The following PPP1R12A variants were observed in gnomAD, a reference collection of about 807,000 sequenced individuals.
The protein encoded by PPP1R12A is protein phosphatase 1 regulatory subunit 12A, also known as myosin binding subunit.
A neutral mutation model predicts 139.6 loss-of-function variants in PPP1R12A; 19 were observed. That is an observed-to-expected ratio of 0.14 (90% CI 0.09 to 0.20). The LOEUF is 0.20. PPP1R12A is among the 10% of genes least tolerant of loss of function. The pLI, the probability that PPP1R12A is intolerant of heterozygous loss-of-function variation, is 1.00. For missense variants in PPP1R12A, 925 were observed against 1,211.5 expected (o/e 0.76, Z 3.51); for synonymous variants, 427 against 420.6 (o/e 1.02, Z -0.19).
At chr12:79,828,744 T>C (rs1877079338) in intron 4 of PPP1R12A, among the ~76,000 whole-genome samples, 1 of 152,148 alleles carries the variant, frequency 6.6e-6, no homozygotes. Flanking sequence ...TAATTCTTGT[T>C]AATATGACTT....
chr12:79,919,300 T>C (rs533260557), intron 1 of PPP1R12A, among the ~76,000 whole-genome samples: 1 of 152,004 alleles, frequency 6.6e-6, no homozygotes, highest in African/African-American at 2.4e-5. Flanking sequence ...CTCACACCTG[T>C]AATCCCAGCA....
intron 2 of PPP1R12A, among the ~76,000 whole-genome samples, chr12:79,849,204 C>A (rs997110862): frequency 2.0e-5 from 3 of 151,954 alleles, no homozygotes. Flanking sequence ...GCCAACATAG[C>A]AAAACCCCAA....
In PPP1R12A at chr12:79,810,112, T is replaced by A. The variant is rs1030549639; in HGVS notation, c.1240-102A>T. The A allele has an allele frequency of 5.3e-6, 5 of 941,834 alleles. No individual in the cohort carries two copies. In the African/African-American group the frequency reaches 8.4e-5, roughly 16 times the overall value. The allele number at this position is 941,834 out of a possible 1,614,324, so 58.3% of individuals were successfully genotyped here. A position where few individuals can be genotyped will look rare whatever the true frequency, so the allele number is the denominator to read the frequency against. ...TTTACAGATAATATATTTAAAATTATGGTTTACAGTTTCAGGATAAAACAC... is the reference window on the plus strand; with the variant it reads ...TTTACAGATAATATATTTAAAATTAAGGTTTACAGTTTCAGGATAAAACAC... On this transcript the variant is annotated intron_variant, in intron 9 of 24. Coordinates refer to ENST00000450142, the MANE Select transcript of PPP1R12A (RefSeq NM_002480.3).
At chr12:79,801,329 G>C (rs1873126609) in intron 14 of PPP1R12A, among the ~76,000 whole-genome samples, 2 of 70,394 alleles carry the variant, frequency 2.8e-5, no homozygotes, top group Admixed American at 4.8e-4. Context: ...TGGGCAACTA[G>C]AGCAAAACTC....
At chr12:79,912,167 T>A (rs932563140) in intron 1 of PPP1R12A, among the ~76,000 whole-genome samples, 1 of 152,252 alleles carries the variant, frequency 6.6e-6, no homozygotes, top group Admixed American at 6.5e-5. Context: ...CTTTACCAAG[T>A]TACAACTACT....
intron 1 of PPP1R12A, among the ~76,000 whole-genome samples, chr12:79,930,530 TG>T (rs1365733202): frequency 6.6e-6 from 1 of 152,144 alleles, no homozygotes; most frequent in East Asian, 1.9e-4. Context: ...CCCAGCACTT[TG>T]GGAGGCCGAG....
At chr12:79,819,595 G>C (rs1276853205) in intron 8 of PPP1R12A, 1 of 152,166 alleles carries the variant, frequency 6.6e-6, no homozygotes, top group African/African-American at 2.4e-5. Context: ...CTTGACTACA[G>C]ACTGAGAGCT....
At chr12:79,783,313 A>AAAAG in intron 22 of PPP1R12A, among the ~76,000 whole-genome samples, 1 of 149,358 alleles carries the variant, frequency 6.7e-6, no homozygotes, top group Non-Finnish European at 1.5e-5. Flanking sequence ...AAAAAAAAAA[A>AAAAG]GGAAAATTAA....
At chr12:79,919,772 C>A (rs1674311055) in intron 1 of PPP1R12A, among the ~76,000 whole-genome samples, 1 of 152,102 alleles carries the variant, frequency 6.6e-6, no homozygotes, top group Admixed American at 6.6e-5. Context: ...GTGACTAATA[C>A]CAAGCCTAGG....
At chr12:79,903,876 CT>C (rs1292321052) in intron 1 of PPP1R12A, among the ~76,000 whole-genome samples, 4 of 152,122 alleles carry the variant, frequency 2.6e-5, no homozygotes, top group Non-Finnish European at 4.4e-5. Context: ...ATTTTTCCCC[CT>C]ACTCAGTAAC....
intron 1 of PPP1R12A, among the ~76,000 whole-genome samples, chr12:79,921,038 T>C (rs1225706327): frequency 6.6e-6 from 1 of 152,240 alleles, no homozygotes; most frequent in Non-Finnish European, 1.5e-5. Flanking sequence ...AATTTCATTT[T>C]ACTGTCGACT....
At chr12:79,902,805 A>C (rs2137481368) in intron 1 of PPP1R12A, among the ~76,000 whole-genome samples, 1 of 152,286 alleles carries the variant, frequency 6.6e-6, no homozygotes, top group African/African-American at 2.4e-5. Flanking sequence ...TTTGAGCACC[A>C]ACATGATGCC....
chr12:79,774,940 A>G lies in PPP1R12A; in HGVS notation c.*989T>C, dbSNP rs1869577450. 6.6e-6 allele frequency: 1 copy of G among 152,296 alleles called. No individual in the cohort carries two copies. The highest frequency in any genetic ancestry group is 2.4e-5 in the African/African-American group (1 of 41,468). 9.4% of individuals were successfully genotyped at this position (152,296 alleles called of 1,614,324 possible). ...AACTTTTGTAAAGATAGGGCTCCACATAATGTGTAACTTTTAAAGTCTTTA... is the reference window on the plus strand; with the variant it reads ...AACTTTTGTAAAGATAGGGCTCCACGTAATGTGTAACTTTTAAAGTCTTTA... On this transcript the variant is annotated 3_prime_UTR_variant, in exon 25 of 25. Coordinates refer to ENST00000450142, the MANE Select transcript of PPP1R12A (RefSeq NM_002480.3).
chr12:79,795,890 A>G (rs1283106420), intron 17 of PPP1R12A, 131 bp from the exon 18 acceptor site: 5 of 737,606 alleles, frequency 6.8e-6, no homozygotes, highest in Non-Finnish European at 1.0e-5. Context: ...AGCTGCTACT[A>G]CTTAGCTCCA....
chr12:79,929,698 G>A (rs957464827), intron 1 of PPP1R12A, among the ~76,000 whole-genome samples: 3 of 151,928 alleles, frequency 2.0e-5, no homozygotes, highest in African/African-American at 7.3e-5. Context: ...GAACCTGGGC[G>A]GCGGAGTTTG....
chr12:79,891,218 G>A (rs1884615555), intron 1 of PPP1R12A, among the ~76,000 whole-genome samples: 1 of 152,076 alleles, frequency 6.6e-6, no homozygotes, highest in Non-Finnish European at 1.5e-5. Context: ...TCTGGATCCT[G>A]GGGATGATGA....
At position 79,809,894 on chromosome 12, in the gene PPP1R12A, G is replaced by A; in HGVS notation, c.1356C>T (p.Ile452=). ...KTGSYGALAE[I]TASKEGQKEK... ...CTTTCTGACCCTCTTTAGATGCTGT[G>A]ATTTCAGCAAGTGCACCATAGCTGC... is the stretch of plus-strand genomic sequence containing the variant. The change falls in exon 10 of 25, where the codon ATC becomes ATT. Residue 452 remains isoleucine, a synonymous_variant. Coordinates refer to ENST00000450142, the MANE Select transcript of PPP1R12A (RefSeq NM_002480.3). The A allele has an allele frequency of 1.9e-6, 3 of 1,613,482 alleles. No individual in the cohort carries two copies. Among genetic ancestry groups the A allele is most frequent in the Non-Finnish European group, 2.5e-6 (3 of 1,179,598 alleles).
At chr12:79,912,145 C>T (rs865863853) in intron 1 of PPP1R12A, among the ~76,000 whole-genome samples, 1 of 152,188 alleles carries the variant, frequency 6.6e-6, no homozygotes, top group Non-Finnish European at 1.5e-5. Flanking sequence ...TCTCCACCCT[C>T]GACCATCAAC....
chr12:79,928,228 T>C (rs1887992075), intron 1 of PPP1R12A, among the ~76,000 whole-genome samples: 1 of 152,214 alleles, frequency 6.6e-6, no homozygotes, highest in Non-Finnish European at 1.5e-5. Flanking sequence ...CTTGCAATCA[T>C]ACTGTAGCTG....
Sources: gnomAD v4.1 joint callset for allele counts (sites outside exome capture counted in the v4.1 genomes callset) on GRCh38, gnomAD v4.1.1 for gene constraint, MANE v1.5 for transcripts, NCBI Gene and HGNC (gene_info 2026-07-23, HGNC 2026-07-21) for gene names.